Variants in OSBP2 observed in about 807,000 individuals in gnomAD.
OSBP2 encodes the protein oxysterol-binding protein 2.
OSBP2 carries 66 observed loss-of-function variants against 96.0 expected under a neutral mutation model. The ratio of observed to expected loss-of-function variants is 0.69; its 90% confidence interval spans 0.56 to 0.84. OSBP2 has a LOEUF of 0.84. Among genes scored for constraint, OSBP2 ranks in the 40% least tolerant of loss-of-function variants. The pLI is 0.00. For synonymous variants in OSBP2, 525 were observed against 520.9 expected, an observed-to-expected ratio of 1.01 and a Z score of -0.11; for missense variants, 1,038 against 1,222.7, an observed-to-expected ratio of 0.85 and a Z score of 2.25.
chr22:30,852,174 A>G (rs982145065), intron 2 of OSBP2, among the ~76,000 whole-genome samples: 6 of 152,132 alleles, frequency 3.9e-5, no homozygotes, highest in Non-Finnish European at 8.8e-5. Flanking sequence ...TATTGGCCTC[A>G]TAGGATGATT....
chr22:30,694,430 G>T (rs1028405701), upstream of OSBP2: 20 of 1,408,572 alleles, frequency 1.4e-5, no homozygotes, highest in African/African-American at 1.2e-4. Flanking sequence ...TCTGGGTGCC[G>T]TACCTGCTTC....
At chr22:30,823,628 CGAAGTTGCAG>C (rs2038333748) in intron 2 of OSBP2, among the ~76,000 whole-genome samples, 1 of 152,220 alleles carries the variant, frequency 6.6e-6, no homozygotes, top group South Asian at 2.1e-4. Flanking sequence ...CAGAGGACTT[CGAAGTTGCAG>C]GCTGCAAGCC....
At chr22:30,694,390 G>A (rs1294176631), upstream of OSBP2, 1 of 1,487,606 alleles carries the variant, frequency 6.7e-7, no homozygotes, top group Admixed American at 2.5e-5. Flanking sequence ...AGCCTTTAGC[G>A]CCCCTGTGCT....
At chr22:30,776,024 G>C (rs1352172832) in intron 2 of OSBP2, among the ~76,000 whole-genome samples, 3 of 151,930 alleles carry the variant, frequency 2.0e-5, no homozygotes, top group African/African-American at 7.3e-5. Context: ...TTGAACTCCT[G>C]GCCTCTAGTG....
intron 12 of OSBP2, chr22:30,902,251 T>C (rs1255449170): frequency 6.3e-7 from 1 of 1,577,140 alleles, no homozygotes; most frequent in East Asian, 2.2e-5. Flanking sequence ...ATCTACCTTT[T>C]AATATGGTTC....
At chr22:30,761,314 A>C (rs1360871208) in intron 2 of OSBP2, among the ~76,000 whole-genome samples, 1 of 152,206 alleles carries the variant, frequency 6.6e-6, no homozygotes, top group Non-Finnish European at 1.5e-5. Context: ...TTAGCAATGA[A>C]CAATTGGTAA....
At chr22:30,696,895 G>A (rs1281964365) in intron 1 of OSBP2, among the ~76,000 whole-genome samples, 1 of 152,074 alleles carries the variant, frequency 6.6e-6, no homozygotes, top group East Asian at 1.9e-4. Flanking sequence ...CTGACCTCAG[G>A]TGATTCGCCT....
chr22:30,883,835 G>A (rs2039752347), intron 3 of OSBP2, among the ~76,000 whole-genome samples: 1 of 152,156 alleles, frequency 6.6e-6, no homozygotes, highest in African/African-American at 2.4e-5. Context: ...CAGCAAAGAG[G>A]TGCCATCTGG....
intron 2 of OSBP2, among the ~76,000 whole-genome samples, chr22:30,753,853 C>G (rs1330011590): frequency 6.6e-6 from 1 of 152,196 alleles, no homozygotes; most frequent in Non-Finnish European, 1.5e-5. Context: ...AGCAGTGAAG[C>G]AAGCATGTCC....
At chr22:30,710,154 C>T (rs892985648) in intron 1 of OSBP2, among the ~76,000 whole-genome samples, 25 of 138,246 alleles carry the variant, frequency 1.8e-4, no homozygotes, top group African/African-American at 7.4e-4. Flanking sequence ...CAAAGTGCTG[C>T]GATTACAGGT....
chr22:30,725,465 C>T (rs938365963), intron 1 of OSBP2, among the ~76,000 whole-genome samples: 9 of 151,674 alleles, frequency 5.9e-5, no homozygotes, highest in African/African-American at 1.5e-4. Flanking sequence ...GAGCTGAGAT[C>T]GCACCACTGC....
rs957187029 is a variant in OSBP2, at chr22:30,906,376, C to G, written c.*37C>G. The G allele has an allele frequency of 6.5e-7, 1 of 1,548,400 alleles. No homozygotes were observed. The highest frequency in any genetic ancestry group is 8.7e-7 in the Non-Finnish European group (1 of 1,147,826). The stretch of plus-strand genomic sequence containing the variant: ...GCAACAAATACAGGCGCCTGCACAG[C>G]CTGGCCCACCTGTTCATTAATGCAC... On this transcript the variant is annotated 3_prime_UTR_variant, in exon 14 of 14. Transcript: ENST00000332585.
intron 3 of OSBP2, among the ~76,000 whole-genome samples, chr22:30,884,068 T>C (rs1194949892): frequency 2.0e-5 from 3 of 152,012 alleles, no homozygotes; most frequent in Admixed American, 6.5e-5. Context: ...GGTCTGCAAA[T>C]TGTATGATGG....
intron 2 of OSBP2, among the ~76,000 whole-genome samples, chr22:30,812,423 C>T (rs2091021482): frequency 6.6e-6 from 1 of 152,236 alleles, no homozygotes; most frequent in African/African-American, 2.4e-5. Flanking sequence ...GCACCTGCCT[C>T]TCAAAGTGCT....
At chr22:30,762,287 C>T (rs954736232) in intron 2 of OSBP2, among the ~76,000 whole-genome samples, 1 of 152,000 alleles carries the variant, frequency 6.6e-6, no homozygotes, top group African/African-American at 2.4e-5. Context: ...CGGTGGCTCA[C>T]GCCTGTAATC....
rs1405413540 is a variant in OSBP2, at chr22:30,907,118, G to A, written c.*779G>A. 3 of 152,664 alleles carry A rather than the reference G, an allele frequency of 2.0e-5. No individual in the cohort carries two copies. Among genetic ancestry groups the A allele is most frequent in the Admixed American group, 2.0e-4 (3 of 15,278 alleles). The allele number at this position is 152,664 out of a possible 1,614,324, so 9.5% of individuals were successfully genotyped here. A position where few individuals can be genotyped will look rare whatever the true frequency, so the allele number is the denominator to read the frequency against. ...CCTGGGTGGCTCCCTAGCCCCAAGA[G>A]GCCAGGAAGGGCTGGAAGGCAGGGC... On this transcript the variant is annotated 3_prime_UTR_variant, in exon 14 of 14. Transcript: ENST00000332585.
chr22:30,693,977 A>AG, upstream of OSBP2: 1 of 1,312,030 alleles, frequency 7.6e-7, no homozygotes, highest in Non-Finnish European at 1.1e-6. Flanking sequence ...AAAGGAAAAA[A>AG]AAAAAAAGCG....
intron 1 of OSBP2, among the ~76,000 whole-genome samples, chr22:30,696,134 G>C (rs1042020111): frequency 5.3e-5 from 8 of 152,152 alleles, no homozygotes; most frequent in African/African-American, 1.9e-4. Flanking sequence ...ATTTTGCGGA[G>C]AGCTAGGAAG....
chr22:30,795,068 C>A (rs1042943385), intron 2 of OSBP2, among the ~76,000 whole-genome samples: 1 of 151,768 alleles, frequency 6.6e-6, no homozygotes, highest in African/African-American at 2.4e-5. Context: ...CACCACTGCA[C>A]CCAGGTGATG....
Sources: allele counts gnomAD v4.1 joint callset (sites outside exome capture counted in the v4.1 genomes callset), GRCh38; gene constraint gnomAD v4.1.1; transcripts MANE v1.5; gene names NCBI Gene and HGNC (gene_info 2026-07-23, HGNC 2026-07-21).